ADD3: variants seen among roughly 807,000 people sequenced by gnomAD.
The protein encoded by ADD3 is adducin 3.
A neutral mutation model predicts 80.2 loss-of-function variants in ADD3; 25 were observed. The observed-to-expected ratio is 0.31, with a 90% CI of 0.23 to 0.44. ADD3 has a LOEUF of 0.44. Ranked by LOEUF, ADD3 falls within the 20% of genes least tolerant of loss-of-function variation. The pLI is 1.00. For missense variants in ADD3, 829 were observed against 847.5 expected (o/e 0.98, Z 0.27); for synonymous variants, 284 against 289.6 (o/e 0.98, Z 0.20).
chr10:110,031,424 C>T (rs1855013519), intron 1 of ADD3, among the ~76,000 whole-genome samples: 1 of 152,208 alleles, frequency 6.6e-6, no homozygotes, highest in Non-Finnish European at 1.5e-5. Context: ...GAAACAGATT[C>T]AGATACATTG....
rs998644122 is a variant in ADD3, at chr10:110,021,349, C to T, written c.-30+13050C>T. On this transcript the variant is annotated intron_variant, in intron 1 of 14. Transcript: ENST00000356080. Reference sequence around the variant, plus strand: ...TTAAAAATGGTAACGGTTTACGATCCAGCACTTCTCATAGGTATATACCCA... The same window carrying T: ...TTAAAAATGGTAACGGTTTACGATCTAGCACTTCTCATAGGTATATACCCA... Among the ~76,000 whole-genome samples the T allele has an allele frequency of 2.0e-5, 3 of 152,100 alleles. No individual in the cohort carries two copies. In the East Asian group the frequency reaches 5.8e-4, roughly 29 times the overall value.
At chr10:110,073,133 G>GTTTTTTTTTTTTTTTTTTTTTTTT (rs1443878675) in intron 1 of ADD3, among the ~76,000 whole-genome samples, 1 of 106,490 alleles carries the variant, frequency 9.4e-6, no homozygotes, top group South Asian at 2.7e-4. Flanking sequence ...TTGAGTTTTA[G>GTTTTTTTTTTTTTTTTTTTTTTTT]TTTTCTTTTT....
intron 1 of ADD3, among the ~76,000 whole-genome samples, chr10:110,085,380 G>C (rs1474179231): frequency 6.6e-6 from 1 of 151,148 alleles, no homozygotes; most frequent in Non-Finnish European, 1.5e-5. Flanking sequence ...AATACCCAGG[G>C]GATTTTACTG....
chr10:110,112,751 T>C, intron 2 of ADD3, 26 bp from the exon 3 acceptor site: 6 of 1,602,476 alleles, frequency 3.7e-6, no homozygotes, highest in Non-Finnish European at 5.1e-6. Context: ...TCTTGCTTGC[T>C]CAGTCTTTAT....
At chr10:110,019,647 C>T (rs747408268) in intron 1 of ADD3, among the ~76,000 whole-genome samples, 1 of 152,212 alleles carries the variant, frequency 6.6e-6, no homozygotes, top group Non-Finnish European at 1.5e-5. Context: ...AGCCACTGTG[C>T]CTGGCTAGTT....
At chr10:110,074,210 G>A (rs138588601) in intron 1 of ADD3, among the ~76,000 whole-genome samples, 1 of 152,304 alleles carries the variant, frequency 6.6e-6, no homozygotes, top group East Asian at 1.9e-4. Context: ...TCTACCACAT[G>A]TTTGAGATGC....
At chr10:110,075,856 T>C (rs1845325093) in intron 1 of ADD3, 1 of 152,186 alleles carries the variant, frequency 6.6e-6, no homozygotes, top group Non-Finnish European at 1.5e-5. Flanking sequence ...ATTTATCATG[T>C]GGCAAGAGTG....
chr10:110,025,643 G>C (rs1294652513), intron 1 of ADD3, among the ~76,000 whole-genome samples: 1 of 152,180 alleles, frequency 6.6e-6, no homozygotes, highest in Non-Finnish European at 1.5e-5. Context: ...CATTTTAAGA[G>C]TGAAGAACCC....
intron 2 of ADD3, among the ~76,000 whole-genome samples, 194 bp from the exon 3 acceptor site, chr10:110,112,583 C>A (rs940501982): frequency 2.6e-5 from 4 of 152,046 alleles, no homozygotes; most frequent in Non-Finnish European, 5.9e-5. Context: ...TAGTGGTTTT[C>A]CCCCCTAAAA....
intron 8 of ADD3, 148 bp from the exon 9 acceptor site, chr10:110,121,962 C>A: frequency 1.7e-6 from 1 of 574,160 alleles, no homozygotes; most frequent in Non-Finnish European, 2.9e-6. Flanking sequence ...TGTCTGCTGG[C>A]ACAAGAGTGT....
At chr10:110,061,329 G>A (rs546702657) in intron 1 of ADD3, among the ~76,000 whole-genome samples, 9 of 152,290 alleles carry the variant, frequency 5.9e-5, no homozygotes, top group East Asian at 5.8e-4. Context: ...TTGGTGTAGT[G>A]CAGCCTGGAA....
At chr10:110,052,318 G>T (rs1403536906) in intron 1 of ADD3, among the ~76,000 whole-genome samples, 2 of 152,120 alleles carry the variant, frequency 1.3e-5, no homozygotes, top group African/African-American at 4.8e-5. Flanking sequence ...CCCTGCCAGG[G>T]GTTCCCATTC....
upstream of ADD3, among the ~76,000 whole-genome samples, chr10:110,001,188 G>C (rs1851477400): frequency 1.3e-5 from 2 of 152,114 alleles, no homozygotes; most frequent in Non-Finnish European, 2.9e-5. Flanking sequence ...GCCGAGGTGG[G>C]TGGGTCACTT....
chr10:110,004,523 A>C (rs542245735), upstream of ADD3, among the ~76,000 whole-genome samples: 97 of 151,276 alleles, frequency 6.4e-4, no homozygotes, highest in Non-Finnish European at 1.3e-3. Context: ...GTTGGCCAGG[A>C]TGGTCTTGAT....
chr10:110,110,422 C>T (rs550289190), intron 2 of ADD3, among the ~76,000 whole-genome samples: 3 of 152,172 alleles, frequency 2.0e-5, no homozygotes, highest in African/African-American at 7.2e-5. Flanking sequence ...TTAAACTGTT[C>T]AACAGGAGCT....
intron 1 of ADD3, among the ~76,000 whole-genome samples, chr10:110,053,089 C>T (rs755202052): frequency 6.6e-6 from 1 of 152,160 alleles, no homozygotes; most frequent in East Asian, 1.9e-4. Context: ...TGAGCAAATA[C>T]AGCTTCCCAG....
chr10:110,033,767 G>T (rs1239374326), intron 1 of ADD3, among the ~76,000 whole-genome samples: 2 of 152,170 alleles, frequency 1.3e-5, no homozygotes, highest in Non-Finnish European at 2.9e-5. Context: ...TAAAGTCATT[G>T]TGCTATACTC....
chr10:110,034,693 A>G (rs1275055335), intron 1 of ADD3, among the ~76,000 whole-genome samples: 1 of 152,130 alleles, frequency 6.6e-6, no homozygotes, highest in Non-Finnish European at 1.5e-5. Flanking sequence ...ATATTCTCTA[A>G]TCTGAATATA....
intron 1 of ADD3, among the ~76,000 whole-genome samples, chr10:110,077,735 T>C (rs1164795972): frequency 6.6e-6 from 1 of 151,942 alleles, no homozygotes; most frequent in Admixed American, 6.6e-5. Context: ...ATAGGAGAAT[T>C]ATTGTTGTTC....
Sources: allele counts gnomAD v4.1 joint callset (sites outside exome capture counted in the v4.1 genomes callset), GRCh38; gene constraint gnomAD v4.1.1; transcripts MANE v1.5; gene names NCBI Gene and HGNC (gene_info 2026-07-23, HGNC 2026-07-21).